Variants in PTPN13 observed in about 807,000 individuals in gnomAD.
PTPN13 encodes the protein protein tyrosine phosphatase non-receptor type 13.
In PTPN13, 191 loss-of-function variants were observed where a neutral mutation model predicts 284.0. The ratio of observed to expected loss-of-function variants is 0.67; its 90% confidence interval spans 0.60 to 0.76. PTPN13 has a LOEUF of 0.76. Among genes scored for constraint, PTPN13 ranks in the 30% least tolerant of loss-of-function variants. The pLI is 0.00. For missense variants in PTPN13, 2,797 were observed against 2,939.9 expected (o/e 0.95, Z 1.12); for synonymous variants, 986 against 1,022.3 (o/e 0.96, Z 0.68).
rs754719341 is a variant in PTPN13 at position 86,774,504 on chromosome 4, G to A, written c.5481G>A (p.Arg1827=). The change falls in exon 33 of 48, where the codon AGG becomes AGA. Residue 1827 remains arginine (R), a synonymous_variant. Coordinates refer to ENST00000411767, the MANE Select transcript of PTPN13 (RefSeq NM_080683.3). ...AGGATCCAGCCAAAAGTGATGGAAG[G>A]CTAAAACCTGGGGACCGGCTCATAA... The part of the protein sequence containing the change: ...VIQDPAKSDG[R]LKPGDRLIKV... The A allele has an allele frequency of 3.7e-6, 6 of 1,602,854 alleles. No homozygotes were observed. The East Asian group carries it at 1.3e-4, about 36-fold the overall frequency.
chr4:86,710,296 T>C (rs1286185686), intron 7 of PTPN13, among the ~76,000 whole-genome samples: 1 of 152,184 alleles, frequency 6.6e-6, no homozygotes, highest in African/African-American at 2.4e-5. Flanking sequence ...ATTTGGGTCA[T>C]GTATTAAAGG....
chr4:86,725,673 G>A (rs923965427), intron 10 of PTPN13, among the ~76,000 whole-genome samples: 4 of 149,160 alleles, frequency 2.7e-5, no homozygotes, highest in Non-Finnish European at 6.0e-5. Context: ...TTGTTTGTTT[G>A]TTTCTTGTAA....
rs1337771337 is a variant in PTPN13, at chr4:86,763,181, A to C, written c.4008A>C (p.Thr1336=). 1 of 1,606,500 alleles carries C rather than the reference A, an allele frequency of 6.2e-7. No homozygotes were observed. Among genetic ancestry groups the C allele is most frequent in the East Asian group, 2.2e-5 (1 of 44,850 alleles). Reference sequence around the variant, plus strand: ...ACTCCAGCAGTCAGGATCATCAAACACCAAAACAGGCATAGTTTAATTTTA... The same window carrying C: ...ACTCCAGCAGTCAGGATCATCAAACCCCAAAACAGGCATAGTTTAATTTTA... ...ATYSSSQDHQ[T]PKQESSSSVN... Residue 1336 remains threonine (T), a synonymous_variant, in exon 24 of 48, where the codon ACA becomes ACC. Coordinates refer to ENST00000411767, the MANE Select transcript of PTPN13 (RefSeq NM_080683.3).
At chr4:86,752,300 A>G (rs549816181) in intron 19 of PTPN13, among the ~76,000 whole-genome samples, 1 of 152,310 alleles carries the variant, frequency 6.6e-6, no homozygotes, top group South Asian at 2.1e-4. Flanking sequence ...GGGTATGTCG[A>G]GTAAATGAAG....
intron 10 of PTPN13, 26 bp downstream of exon 10, chr4:86,722,460 C>T (rs1412356636): frequency 6.4e-7 from 1 of 1,565,912 alleles, no homozygotes; most frequent in African/African-American, 1.4e-5. Flanking sequence ...GGTTACTACA[C>T]ATCTAAACCT....
chr4:86,766,762 A>G (rs1739366512), intron 27 of PTPN13: 2 of 318,980 alleles, frequency 6.3e-6, no homozygotes, highest in Non-Finnish European at 1.1e-5. Context: ...AAGAGATCTG[A>G]TGGGGGAGGG....
Position 86,658,735 on chromosome 4 carries a change from T to C in PTPN13, c.116-13630T>C, listed in dbSNP as rs1019089967. 6.6e-5 allele frequency among the ~76,000 whole-genome samples: 10 copies of C among 152,112 alleles called. No individual in the cohort carries two copies. In the East Asian group the frequency reaches 7.7e-4, roughly 12 times the overall value. On this transcript the variant is annotated intron_variant, in intron 2 of 47. Transcript: ENST00000411767. ...GGAAACAGAACAATTAATGAAGATA[T>C]AATAGTTGATAATTTTTGAGAGCTG...
chr4:86,727,937 C>G (rs1197755850), intron 10 of PTPN13, among the ~76,000 whole-genome samples: 3 of 149,500 alleles, frequency 2.0e-5, no homozygotes, highest in Admixed American at 6.7e-5. Context: ...TTCCTGCTTT[C>G]TCTTGTGGGC....
chr4:86,709,404 C>G (rs1339750586), intron 7 of PTPN13, among the ~76,000 whole-genome samples: 1 of 152,106 alleles, frequency 6.6e-6, no homozygotes, highest in Non-Finnish European at 1.5e-5. Context: ...TGCCACTATA[C>G]CTGACATATA....
intron 45 of PTPN13, 67 bp from the exon 46 acceptor site, chr4:86,809,702 A>C: frequency 1.0e-5 from 15 of 1,454,256 alleles, no homozygotes; most frequent in Non-Finnish European, 1.4e-5. Context: ...AGAAAGAAAA[A>C]AAAGAATTAA....
intron 6 of PTPN13, among the ~76,000 whole-genome samples, 176 bp from the exon 7 acceptor site, chr4:86,701,065 A>G (rs1012855554): frequency 6.6e-6 from 1 of 152,224 alleles, no homozygotes; most frequent in Non-Finnish European, 1.5e-5. Flanking sequence ...AAAGTTATGC[A>G]AACATAGTAT....
At chr4:86,728,639 C>T (rs1734564994) in intron 10 of PTPN13, among the ~76,000 whole-genome samples, 1 of 108,270 alleles carries the variant, frequency 9.2e-6, no homozygotes, top group South Asian at 2.7e-4. Flanking sequence ...ATTGCAACCC[C>T]TGCCTTTTTT....
chr4:86,665,628 T>C (rs113803389), intron 2 of PTPN13, among the ~76,000 whole-genome samples: 7,053 of 152,268 alleles, frequency 0.046, 220 homozygotes, highest in African/African-American at 0.06. Context: ...AAAAAGGATA[T>C]TCCCCAAGAA....
chr4:86,753,385 G>C lies in PTPN13; in HGVS notation c.3223+320G>C, dbSNP rs535649126. 1.2e-4 allele frequency among the ~76,000 whole-genome samples: 19 copies of C among 152,132 alleles called. No homozygotes were observed. The South Asian group carries it at 3.9e-3, about 32-fold the overall frequency. On this transcript the variant is annotated intron_variant, in intron 20 of 47. Coordinates refer to ENST00000411767, the MANE Select transcript of PTPN13 (RefSeq NM_080683.3). ...AAAGGGATGCTGGAGCTGAATTTTA[G>C]AGGGAAAGGAGGATTCATTCAGACG... is the stretch of plus-strand genomic sequence containing the variant.
intron 1 of PTPN13, among the ~76,000 whole-genome samples, chr4:86,608,713 G>A (rs1232721789): frequency 2.6e-5 from 4 of 152,102 alleles, no homozygotes; most frequent in Admixed American, 2.0e-4. Flanking sequence ...CGAAGCCTGT[G>A]TGCCTAAACA....
At position 86,635,302 on chromosome 4, in the gene PTPN13, C is replaced by G; in HGVS notation, c.46C>G (p.Leu16Val). 6.2e-7 allele frequency: 1 copy of G among 1,608,098 alleles called. No individual in the cohort carries two copies. The highest frequency in any genetic ancestry group is 8.5e-7 in the Non-Finnish European group (1 of 1,177,548). The change falls in exon 2 of 48, where the codon CTT becomes GTT. Residue 16 changes from leucine (L) to valine (V), a missense_variant. Coordinates refer to ENST00000411767, the MANE Select transcript of PTPN13 (RefSeq NM_080683.3). ...AEALEVRGGP[L>V]QEEEIWAVLN... ...GGCCCTGGAGGTTCGGGGTGGACCA[C>G]TTCAGGAGGAAGAAATATGGGCTGT...
chr4:86,813,441 G>A (rs1043565949), intron 47 of PTPN13, among the ~76,000 whole-genome samples: 2 of 151,926 alleles, frequency 1.3e-5, no homozygotes, highest in African/African-American at 4.8e-5. Context: ...TTATTTTTTG[G>A]TTTGTTTGTT....
intron 2 of PTPN13, among the ~76,000 whole-genome samples, chr4:86,669,285 G>GTATATA (rs34939020): frequency 0.04 from 4,504 of 113,092 alleles, 117 homozygotes; most frequent in East Asian, 0.081. Flanking sequence ...GGAAGAAGAT[G>GTATATA]TATATATATA....
At chr4:86,607,556 C>G (rs1764893746) in intron 1 of PTPN13, among the ~76,000 whole-genome samples, 1 of 151,918 alleles carries the variant, frequency 6.6e-6, no homozygotes, top group African/African-American at 2.4e-5. Flanking sequence ...CTTAGAGAGG[C>G]TTAATGAGTG....
Sources: allele counts gnomAD v4.1 joint callset (sites outside exome capture counted in the v4.1 genomes callset), GRCh38; gene constraint gnomAD v4.1.1; transcripts MANE v1.5; gene names NCBI Gene and HGNC (gene_info 2026-07-23, HGNC 2026-07-21).